The following NRG3 variants were observed in gnomAD, a reference collection of about 807,000 sequenced individuals.
The protein encoded by NRG3 is neuregulin 3, also known as pro-neuregulin-3, membrane-bound isoform.
Under a neutral mutation model 66.9 loss-of-function variants are expected in NRG3, and 31 were observed. The ratio of observed to expected loss-of-function variants is 0.46; its 90% confidence interval spans 0.35 to 0.63. NRG3 has a LOEUF of 0.63. NRG3 is among the 20% of genes least tolerant of loss of function. NRG3 has a pLI of 0.00. For missense variants in NRG3, 910 were observed against 878.9 expected (o/e 1.04, Z -0.45); for synonymous variants, 393 against 359.4 (o/e 1.09, Z -1.06).
chr10:81,920,574 A>G (rs2132863510), intron 1 of NRG3, among the ~76,000 whole-genome samples: 1 of 152,332 alleles, frequency 6.6e-6, no homozygotes, highest in Middle Eastern at 3.4e-3. Flanking sequence ...GCATATGGAT[A>G]TTCAATTTGG....
chr10:82,531,133 C>G (rs1210330589), intron 2 of NRG3, among the ~76,000 whole-genome samples: 1 of 151,026 alleles, frequency 6.6e-6, no homozygotes, highest in Non-Finnish European at 1.5e-5. Flanking sequence ...AGTATTTTCT[C>G]AATTAAAGAC....
At chr10:82,805,506 T>A (rs2061240311) in intron 3 of NRG3, among the ~76,000 whole-genome samples, 1 of 152,146 alleles carries the variant, frequency 6.6e-6, no homozygotes, top group South Asian at 2.1e-4. Context: ...CTTTGCAAAA[T>A]CCTTCCAGAC....
chr10:82,632,049 C>T (rs1330302979), intron 2 of NRG3, among the ~76,000 whole-genome samples: 1 of 152,028 alleles, frequency 6.6e-6, no homozygotes, highest in Non-Finnish European at 1.5e-5. Flanking sequence ...TTGCACTGGG[C>T]CGAGATCACG....
intron 1 of NRG3, among the ~76,000 whole-genome samples, chr10:81,896,913 G>GA (rs1415595461): frequency 6.6e-6 from 1 of 152,110 alleles, no homozygotes; most frequent in Non-Finnish European, 1.5e-5. Flanking sequence ...AACACCCCTG[G>GA]AGCTTACATT....
At chr10:82,345,399 C>T (rs947985497) in intron 1 of NRG3, among the ~76,000 whole-genome samples, 1 of 151,674 alleles carries the variant, frequency 6.6e-6, no homozygotes, top group Non-Finnish European at 1.5e-5. Context: ...TTTCTGAGGG[C>T]TCTGTTCTGT....
intron 1 of NRG3, among the ~76,000 whole-genome samples, chr10:82,178,404 G>GA (rs1464646365): frequency 2.0e-5 from 3 of 152,004 alleles, no homozygotes; most frequent in Admixed American, 2.0e-4. Context: ...CCAGGCCTGG[G>GA]AAAAATCATT....
chr10:82,305,550 A>G (rs1440741369), intron 1 of NRG3, among the ~76,000 whole-genome samples: 1 of 151,770 alleles, frequency 6.6e-6, no homozygotes, highest in Admixed American at 6.6e-5. Context: ...ATTTCCATTT[A>G]CTCAGACTCC....
At chr10:82,739,143 A>G (rs1015428324) in intron 3 of NRG3, among the ~76,000 whole-genome samples, 4 of 152,218 alleles carry the variant, frequency 2.6e-5, no homozygotes, top group Non-Finnish European at 4.4e-5. Context: ...ATTTTTGGCA[A>G]CACTATTTGC....
At chr10:82,953,162 T>G (rs1488430398) in intron 5 of NRG3, among the ~76,000 whole-genome samples, 1 of 152,040 alleles carries the variant, frequency 6.6e-6, no homozygotes, top group East Asian at 1.9e-4. Flanking sequence ...GTGGCAGTTG[T>G]AACTATCAAT....
At chr10:81,930,415 T>C (rs1366772938) in intron 1 of NRG3, among the ~76,000 whole-genome samples, 1 of 151,602 alleles carries the variant, frequency 6.6e-6, no homozygotes, top group African/African-American at 2.4e-5. Flanking sequence ...CAGGAGCAGC[T>C]GAATGAAGAG....
At chr10:82,243,872 G>T (rs1372428102) in intron 1 of NRG3, among the ~76,000 whole-genome samples, 3 of 152,126 alleles carry the variant, frequency 2.0e-5, no homozygotes, top group Admixed American at 6.5e-5. Context: ...AAATTGCTAC[G>T]CAGGATTTAG....
intron 1 of NRG3, among the ~76,000 whole-genome samples, chr10:81,906,345 C>G (rs1844604860): frequency 6.6e-6 from 1 of 152,164 alleles, no homozygotes; most frequent in Non-Finnish European, 1.5e-5. Flanking sequence ...TGTCCTGAAT[C>G]ACAATTGTTA....
At chr10:82,329,383 A>C (rs2082027588) in intron 1 of NRG3, among the ~76,000 whole-genome samples, 1 of 150,638 alleles carries the variant, frequency 6.6e-6, no homozygotes, top group Non-Finnish European at 1.5e-5. Context: ...ATAAGGGTAA[A>C]TGAGTGCTAA....
chr10:82,036,966 G>A lies in NRG3; in HGVS notation c.823+160803G>A, dbSNP rs148101928. 4.0e-3 allele frequency among the ~76,000 whole-genome samples: 605 copies of A among 152,172 alleles called. 3 individuals are homozygous for A. Among genetic ancestry groups the A allele is most frequent in the African/African-American group, 0.013 (556 of 41,540 alleles). On this transcript the variant is annotated intron_variant, in intron 1 of 8. Transcript: ENST00000372141. ...ATAAAGGTGATCAGACTACTACCAC[G>A]CTGTTTTATTAATCACTGTATGAAT...
chr10:81,971,802 C>T (rs1024966151), intron 1 of NRG3, among the ~76,000 whole-genome samples: 1 of 152,096 alleles, frequency 6.6e-6, no homozygotes, highest in African/African-American at 2.4e-5. Context: ...GGACAAAGTA[C>T]TGGAGAGAAG....
intron 2 of NRG3, among the ~76,000 whole-genome samples, chr10:82,688,755 A>G (rs1171116913): frequency 6.7e-6 from 1 of 150,022 alleles, no homozygotes; most frequent in Non-Finnish European, 1.5e-5. Context: ...GAACAAATCC[A>G]TAGGTCTTTT....
rs11812946 is a variant in NRG3 at position 82,063,466 on chromosome 10, A to G, written c.823+187303A>G. 6.7e-3 allele frequency among the ~76,000 whole-genome samples: 1,006 copies of G among 151,268 alleles called. 11 individuals are homozygous for G. Among genetic ancestry groups the G allele is most frequent in the African/African-American group, 0.023 (942 of 41,316 alleles). On this transcript the variant is annotated intron_variant, in intron 1 of 8. Coordinates refer to ENST00000372141, the MANE Select transcript of NRG3 (RefSeq NM_001010848.4). ...ACTGATAAACAATTTCTGCTGCTCTATTTGTATAGAGACAATCAATATATT... is the reference window on the plus strand; with the variant it reads ...ACTGATAAACAATTTCTGCTGCTCTGTTTGTATAGAGACAATCAATATATT...
intron 2 of NRG3, among the ~76,000 whole-genome samples, chr10:82,521,379 C>T (rs1846161690): frequency 6.6e-6 from 1 of 151,936 alleles, no homozygotes; most frequent in African/African-American, 2.4e-5. Context: ...CTCGCACTGT[C>T]GCCCAGGCTG....
chr10:82,781,767 T>A (rs1050460507), intron 3 of NRG3, among the ~76,000 whole-genome samples: 2 of 152,106 alleles, frequency 1.3e-5, no homozygotes, highest in Admixed American at 6.6e-5. Flanking sequence ...GAAGGCATCT[T>A]CTTACTCCTG....
Sources: gnomAD v4.1 joint callset for allele counts (sites outside exome capture counted in the v4.1 genomes callset) on GRCh38, gnomAD v4.1.1 for gene constraint, MANE v1.5 for transcripts, NCBI Gene and HGNC (gene_info 2026-07-23, HGNC 2026-07-21) for gene names.